The following MYO18A variants were observed in gnomAD, a reference collection of about 807,000 sequenced individuals.
MYO18A encodes myosin XVIIIA.
Under a neutral mutation model 235.8 loss-of-function variants are expected in MYO18A, and 78 were observed. The observed-to-expected ratio is 0.33, with a 90% CI of 0.28 to 0.40. The LOEUF (loss-of-function observed/expected upper bound fraction) is 0.40, where lower values mean the gene tolerates loss of function less well. MYO18A is among the 10% of genes least tolerant of loss of function. MYO18A has a pLI of 1.00. For missense variants in MYO18A, 2,215 were observed against 2,699.3 expected (o/e 0.82, Z 3.98); for synonymous variants, 977 against 1,077.8 (o/e 0.91, Z 1.83).
chr17:29,127,405 C>G (rs2067347882), intron 2 of MYO18A, among the ~76,000 whole-genome samples: 1 of 152,220 alleles, frequency 6.6e-6, no homozygotes, highest in Non-Finnish European at 1.5e-5. Flanking sequence ...TGTATTATCC[C>G]CACTCAACAG....
chr17:29,114,149 C>G, intron 14 of MYO18A, 52 bp from the exon 15 acceptor site: 1 of 1,419,418 alleles, frequency 7.0e-7, no homozygotes, highest in Non-Finnish European at 9.7e-7. Context: ...TTGTGGGGAA[C>G]AGCCTTGTGA....
chr17:29,128,691 C>T (rs1332236613), intron 2 of MYO18A: 3 of 455,340 alleles, frequency 6.6e-6, no homozygotes, highest in African/African-American at 7.0e-5. Flanking sequence ...ACGAGGCTAC[C>T]CCAGGAAGCC....
intron 2 of MYO18A, among the ~76,000 whole-genome samples, chr17:29,132,085 C>T (rs868835997): frequency 6.6e-6 from 1 of 152,160 alleles, no homozygotes; most frequent in Non-Finnish European, 1.5e-5. Flanking sequence ...ACCACGCAGC[C>T]GAGGGAGGGA....
chr17:29,100,224 C>G (rs780220438), intron 21 of MYO18A, among the ~76,000 whole-genome samples: 2 of 152,084 alleles, frequency 1.3e-5, no homozygotes, highest in Non-Finnish European at 2.9e-5. Flanking sequence ...TTGCTGGGAT[C>G]GGGTGAGTGG....
At chr17:29,174,383 T>C (rs1272405692) in intron 1 of MYO18A, among the ~76,000 whole-genome samples, 1 of 152,114 alleles carries the variant, frequency 6.6e-6, no homozygotes, top group Non-Finnish European at 1.5e-5. Context: ...GGTGCACACC[T>C]GTGATACCAG....
chr17:29,104,899 G>A (rs945527873), intron 20 of MYO18A, among the ~76,000 whole-genome samples: 3 of 152,068 alleles, frequency 2.0e-5, no homozygotes, highest in Admixed American at 6.5e-5. Flanking sequence ...GTGCCAGTTG[G>A]GCCAGGCGCG....
chr17:29,097,103 C>T, intron 27 of MYO18A, 120 bp downstream of exon 27: 2 of 1,464,526 alleles, frequency 1.4e-6, no homozygotes, highest in Non-Finnish European at 1.8e-6. Context: ...GCTAACATGC[C>T]AGCCTCCCCG....
chr17:29,081,059 G>A, intron 41 of MYO18A: 1 of 921,300 alleles, frequency 1.1e-6, no homozygotes, highest in Non-Finnish European at 1.3e-6. Flanking sequence ...GGGCAGCAGG[G>A]AGAGAGGGAG....
intron 41 of MYO18A, chr17:29,080,801 A>T (rs897632619): frequency 2.0e-6 from 2 of 985,134 alleles, no homozygotes; most frequent in Admixed American, 1.2e-4. Context: ...CTGCCTGGGC[A>T]TGGCTCCTCC....
chr17:29,158,350 C>A lies in MYO18A; in HGVS notation c.999+7592G>T, dbSNP rs1272155997. On this transcript the variant is annotated intron_variant, in intron 2 of 41. Coordinates refer to ENST00000527372, the MANE Select transcript of MYO18A (RefSeq NM_078471.4). This position sits in a 1 kb window ranked among gnomAD's most constrained non-coding sequence, Gnocchi z 4.3. ...AGGTCTAAGGAAATAGTTTCCCAAC[C>A]AAACTAGAGCCCACAACTGAAAAAA... Among the ~76,000 whole-genome samples the A allele has an allele frequency of 6.6e-6, 1 of 152,162 alleles. No homozygotes were observed. Among genetic ancestry groups the A allele is most frequent in the Non-Finnish European group, 1.5e-5 (1 of 68,034 alleles).
At chr17:29,107,243 C>T in intron 19 of MYO18A, 54 bp from the exon 20 acceptor site, 2 of 1,528,532 alleles carry the variant, frequency 1.3e-6, no homozygotes, top group Middle Eastern at 1.7e-4. Flanking sequence ...TCCCAGCACA[C>T]CCCAGTAGCC....
At chr17:29,139,151 C>CCA (rs145845751) in intron 2 of MYO18A, among the ~76,000 whole-genome samples, 4,768 of 152,264 alleles carry the variant, frequency 0.031, 172 homozygotes, top group African/African-American at 0.088. Flanking sequence ...GCAGGCCAGC[C>CCA]CAGAGGAAGC....
At chr17:29,144,842 CG>C (rs1241401297) in intron 2 of MYO18A, among the ~76,000 whole-genome samples, 3 of 152,048 alleles carry the variant, frequency 2.0e-5, no homozygotes, top group Non-Finnish European at 2.9e-5. Context: ...AAAGTCAGCA[CG>C]TAAGGCAAAA....
In MYO18A at chr17:29,090,013, C is replaced by T. The variant is rs1164642360; in HGVS notation, c.5474G>A (p.Arg1825Gln). ...SLVSRQEAKI[R>Q]ELETRLEFER... ...AAACTCCAGGCGTGTCTCCAGCTCC[C>T]GTATCTTAGCTTCCTGCCTGCTCAC... The change falls in exon 37 of 42, where the codon CGG (arginine) becomes CAG (glutamine). Residue 1825 changes from arginine (R) to glutamine (Q), a missense_variant. Arg to Gln is a conservative substitution (Grantham distance 43). Transcript: ENST00000527372. 2.5e-6 allele frequency: 4 copies of T among 1,613,944 alleles called. No individual in the cohort carries two copies. The highest frequency in any genetic ancestry group is 1.3e-5 in the African/African-American group (1 of 74,946).
chr17:29,133,776 A>T (rs572809777), intron 2 of MYO18A: 1 of 1,288,316 alleles, frequency 7.8e-7, no homozygotes, highest in Non-Finnish European at 1.0e-6. Context: ...GAAAAACATA[A>T]AGATTTTAAA....
rs565970571 is a variant in MYO18A at position 29,090,833 on chromosome 17, T to G, written c.5281A>C (p.Lys1761Gln). The G allele has an allele frequency of 3.4e-5, 55 of 1,614,002 alleles. 2 individuals carry two copies. The South Asian group carries it at 5.3e-4, about 15-fold the overall frequency. ...ACCTGAGCCACGGCAGCCTTGTGCT[T>G]CTTCATCAATTCGTTCATGTCTTCC... ...DQEDMNELMK[K>Q]HKAAVAQASR... Residue 1761 changes from lysine (K) to glutamine (Q), a missense_variant, in exon 35 of 42, where the codon AAG becomes CAG. Lys to Gln is a moderately conservative substitution (Grantham distance 53, BLOSUM62 1). Transcript: ENST00000527372.
intron 2 of MYO18A, among the ~76,000 whole-genome samples, chr17:29,124,001 T>A (rs1269912224): frequency 6.6e-6 from 1 of 151,624 alleles, no homozygotes; most frequent in African/African-American, 2.4e-5. Flanking sequence ...TGAGCCGAGA[T>A]TGCGCCACTG....
chr17:29,167,937 T>C (rs1435814958), intron 1 of MYO18A, among the ~76,000 whole-genome samples: 1 of 152,220 alleles, frequency 6.6e-6, no homozygotes, highest in Non-Finnish European at 1.5e-5. Flanking sequence ...TTACATGCAC[T>C]ATCTCCTCTG....
Position 29,111,785 on chromosome 17 carries a change from T to C in MYO18A, c.2677A>G (p.Ser893Gly), listed in dbSNP as rs758353396. ...AGGCGCTCCAGGAGGGTGTCCTCACTGGCCCCTGGCACCAGAGCCTCCTCT... is the reference window on the plus strand; with the variant it reads ...AGGCGCTCCAGGAGGGTGTCCTCACCGGCCCCTGGCACCAGAGCCTCCTCT... ...LEEEALVPGA[S>G]EDTLLERLFS... Residue 893 changes from serine to glycine, a missense_variant, in exon 16 of 42, where the codon AGT becomes GGT. Coordinates refer to ENST00000527372, the MANE Select transcript of MYO18A (RefSeq NM_078471.4). This position sits in a 1 kb window ranked among gnomAD's most constrained non-coding sequence, Gnocchi z 5.1. 3 of 1,613,828 alleles carry C rather than the reference T, an allele frequency of 1.9e-6. No homozygotes were observed. The highest frequency in any genetic ancestry group is 1.1e-5 in the South Asian group (1 of 91,080).
Sources: allele counts gnomAD v4.1 joint callset (sites outside exome capture counted in the v4.1 genomes callset), GRCh38; gene constraint gnomAD v4.1.1; non-coding constraint Gnocchi (gnomAD v3.1); transcripts MANE v1.5; gene names NCBI Gene and HGNC (gene_info 2026-07-23, HGNC 2026-07-21).